The following CCNY variants were observed in gnomAD, a reference collection of about 807,000 sequenced individuals.
CCNY encodes cyclin-Y.
Under a neutral mutation model 42.8 loss-of-function variants are expected in CCNY, and 19 were observed. The ratio of observed to expected loss-of-function variants is 0.44; its 90% CI spans 0.31 to 0.65. CCNY has a LOEUF of 0.65. CCNY is among the 30% of genes least tolerant of loss of function. The pLI is 0.07. For synonymous variants in CCNY, 165 were observed against 162.7 expected, an observed-to-expected ratio of 1.01 and a Z score of -0.11; for missense variants, 370 against 437.3, an observed-to-expected ratio of 0.85 and a Z score of 1.37.
chr10:35,552,976 A>G (rs1403503990), intron 7 of CCNY, 43 bp from the exon 8 acceptor site: 2 of 1,586,550 alleles, frequency 1.3e-6, no homozygotes, highest in African/African-American at 2.7e-5. Context: ...GGTGTTTAGG[A>G]GAAAACAAAT....
intron 3 of CCNY, among the ~76,000 whole-genome samples, chr10:35,297,683 C>G (rs751564770): frequency 6.6e-6 from 1 of 152,042 alleles, no homozygotes; most frequent in Non-Finnish European, 1.5e-5. Flanking sequence ...AATAGCATTC[C>G]TAAACACCAA....
intron 1 of CCNY, among the ~76,000 whole-genome samples, chr10:35,395,950 T>TG (rs951596651): frequency 6.6e-6 from 1 of 152,056 alleles, no homozygotes; most frequent in Non-Finnish European, 1.5e-5. Context: ...GCGGGTGTTG[T>TG]GGGGTGCATA....
chr10:35,384,184 G>A (rs1837253786), intron 1 of CCNY, among the ~76,000 whole-genome samples: 1 of 152,088 alleles, frequency 6.6e-6, no homozygotes, highest in Admixed American at 6.5e-5. Flanking sequence ...AGTTTATTTT[G>A]CTAAGATTAA....
chr10:35,428,429 A>C (rs1037675064), intron 1 of CCNY, among the ~76,000 whole-genome samples: 10 of 152,222 alleles, frequency 6.6e-5, no homozygotes, highest in Non-Finnish European at 1.5e-5. Flanking sequence ...CAGGAAAGCC[A>C]GTCTGGCTGG....
chr10:35,522,837 A>G (rs1053298320), intron 4 of CCNY, among the ~76,000 whole-genome samples: 1 of 152,176 alleles, frequency 6.6e-6, no homozygotes, highest in Non-Finnish European at 1.5e-5. Flanking sequence ...AACTTTCTTG[A>G]ACATACCCTT....
At chr10:35,347,643 C>T (rs942596748) in intron 1 of CCNY, 3 of 154,432 alleles carry the variant, frequency 1.9e-5, no homozygotes, top group Non-Finnish European at 4.3e-5. Flanking sequence ...GCAGATTTAA[C>T]ATGAATCAGA....
chr10:35,260,025 G>A (rs2095718424), intron 3 of CCNY, among the ~76,000 whole-genome samples: 2 of 151,980 alleles, frequency 1.3e-5, no homozygotes. Flanking sequence ...GCCAGAGAAA[G>A]CACGGCAATC....
At chr10:35,446,351 C>T (rs1217641606) in intron 1 of CCNY, among the ~76,000 whole-genome samples, 1 of 152,186 alleles carries the variant, frequency 6.6e-6, no homozygotes, top group African/African-American at 2.4e-5. Context: ...AAAATATTCT[C>T]CTTGATGAAG....
intron 1 of CCNY, among the ~76,000 whole-genome samples, chr10:35,452,636 C>T (rs999020545): frequency 3.3e-5 from 5 of 152,008 alleles, no homozygotes; most frequent in Admixed American, 6.5e-5. Context: ...AAATTCTTGT[C>T]CTTTGAGGTT....
intron 3 of CCNY, among the ~76,000 whole-genome samples, chr10:35,285,515 C>G (rs1316011370): frequency 6.6e-6 from 1 of 152,158 alleles, no homozygotes; most frequent in Non-Finnish European, 1.5e-5. Context: ...GCCTTGACTT[C>G]CTGTACTCAA....
chr10:35,355,772 T>C (rs1401724857), intron 1 of CCNY, among the ~76,000 whole-genome samples: 2 of 150,940 alleles, frequency 1.3e-5, no homozygotes, highest in Non-Finnish European at 2.9e-5. Flanking sequence ...CTGAGACTAG[T>C]ATTAACCTGG....
rs919627975 is a variant in CCNY, at chr10:35,572,302, G to A, written c.*3132G>A. The A allele has an allele frequency of 2.0e-5, 3 of 151,332 alleles. No homozygotes were observed. Among genetic ancestry groups the A allele is most frequent in the African/African-American group, 7.3e-5 (3 of 41,152 alleles). The allele number at this position is 151,332 out of a possible 1,614,324, so 9.4% of individuals were successfully genotyped here. A position where few individuals can be genotyped will look rare whatever the true frequency, so the allele number is the denominator to read the frequency against. ...TGAATTTTTTTTTTTCTTTTTTTGA[G>A]ATGGAGTCTCGCTCTTGTCACCCAG... On this transcript the variant is annotated 3_prime_UTR_variant, in exon 10 of 10. Coordinates refer to ENST00000374704, the MANE Select transcript of CCNY (RefSeq NM_145012.6).
intron 1 of CCNY, among the ~76,000 whole-genome samples, chr10:35,413,581 G>A (rs1406993266): frequency 6.6e-6 from 1 of 152,210 alleles, no homozygotes; most frequent in East Asian, 1.9e-4. Flanking sequence ...TGGGACAGAA[G>A]CTCTGGGACA....
At chr10:35,568,302 G>A (rs1841612305) in intron 9 of CCNY, among the ~76,000 whole-genome samples, 1 of 152,148 alleles carries the variant, frequency 6.6e-6, no homozygotes, top group Non-Finnish European at 1.5e-5. Context: ...AGCAGGGCAG[G>A]AGAAAAGGCC....
In CCNY at chr10:35,528,480, G is replaced by T. The variant is rs533673985; in HGVS notation, c.402-1493G>T. The stretch of plus-strand genomic sequence containing the variant: ...GCACTTTGGGAGGCCGAGGCAGGCG[G>T]ATCACGAGGTCTGGAGATTGAGACC... On this transcript the variant is annotated intron_variant, in intron 5 of 9. Transcript: ENST00000374704. Among the ~76,000 whole-genome samples the T allele has an allele frequency of 2.0e-5, 3 of 152,282 alleles. No homozygotes were observed. The East Asian group carries it at 5.8e-4, about 29-fold the overall frequency.
intron 1 of CCNY, among the ~76,000 whole-genome samples, chr10:35,389,779 TTA>T (rs988311223): frequency 2.0e-5 from 3 of 152,166 alleles, no homozygotes; most frequent in African/African-American, 7.2e-5. Flanking sequence ...AAAAACCCTT[TTA>T]TGTTGACTTC....
chr10:35,334,271 T>C (rs1589040401), upstream of CCNY, among the ~76,000 whole-genome samples: 1 of 152,266 alleles, frequency 6.6e-6, no homozygotes, highest in Non-Finnish European at 1.5e-5. Context: ...GTAAATGTTA[T>C]ACATTTTATA....
intron 5 of CCNY, among the ~76,000 whole-genome samples, chr10:35,527,441 T>G (rs964123043): frequency 2.0e-5 from 3 of 152,200 alleles, no homozygotes; most frequent in Non-Finnish European, 4.4e-5. Flanking sequence ...CTGATAATAA[T>G]GAGTTGGCTT....
chr10:35,558,339 C>T (rs1465674399), intron 8 of CCNY, among the ~76,000 whole-genome samples: 1 of 152,210 alleles, frequency 6.6e-6, no homozygotes, highest in Non-Finnish European at 1.5e-5. Context: ...ATTTGTTCTC[C>T]AGCAAGTCAG....
Sources: allele counts gnomAD v4.1 joint callset (sites outside exome capture counted in the v4.1 genomes callset), GRCh38; gene constraint gnomAD v4.1.1; transcripts MANE v1.5; gene names NCBI Gene and HGNC (gene_info 2026-07-23, HGNC 2026-07-21).